The following KNL1 variants were observed in gnomAD, a reference collection of about 807,000 sequenced individuals.
KNL1 encodes outer kinetochore KNL1 complex subunit KNL1.
A neutral mutation model predicts 201.3 loss-of-function variants in KNL1; 66 were observed. The ratio of observed to expected loss-of-function variants is 0.33; its 90% CI spans 0.27 to 0.40. The LOEUF is 0.40. KNL1 is among the 10% of genes least tolerant of loss of function. KNL1 has a pLI of 1.00. For missense variants in KNL1, 2,815 were observed against 2,690.5 expected, an observed-to-expected ratio of 1.05 and a Z score of -1.02; for synonymous variants, 895 against 899.2, an observed-to-expected ratio of 1.00 and a Z score of 0.08.
chr15:40,650,438 G>C, intron 18 of KNL1, 60 bp downstream of exon 18: 3 of 1,565,482 alleles, frequency 1.9e-6, no homozygotes, highest in Non-Finnish European at 2.6e-6. Context: ...TTCTGAGTTT[G>C]TTTATATACT....
At chr15:40,638,037 C>T (rs1320341339) in intron 13 of KNL1, among the ~76,000 whole-genome samples, 3 of 151,806 alleles carry the variant, frequency 2.0e-5, no homozygotes, top group Non-Finnish European at 2.9e-5. Context: ...AAAAATCAGC[C>T]GGGCCTGGCA....
In KNL1 at chr15:40,662,565, A is replaced by AT. The variant is rs1399348670; in HGVS notation, c.*383dup. On this transcript the variant is annotated 3_prime_UTR_variant, in exon 26 of 26. Transcript: ENST00000399668. ...TTTCCCATAACTAGATAGAGCTATGATTTTTTAGGTTGCCTGGCTTCTGCC... is the reference window on the plus strand; with the variant it reads ...TTTCCCATAACTAGATAGAGCTATGATTTTTTTAGGTTGCCTGGCTTCTGCC... 26 of 221,228 alleles carry AT rather than the reference A, an allele frequency of 1.2e-4. No individual in the cohort carries two copies. Among genetic ancestry groups the AT allele is most frequent in the Non-Finnish European group, 2.0e-4 (22 of 111,030 alleles). 13.7% of individuals were successfully genotyped at this position (221,228 alleles called of 1,614,324 possible). A position where few individuals can be genotyped will look rare whatever the true frequency, so the allele number is the denominator to read the frequency against.
chr15:40,605,122 G>C lies in KNL1; in HGVS notation c.48G>C (p.Glu16Asp), dbSNP rs1891931130. The C allele has an allele frequency of 6.7e-7, 1 of 1,483,002 alleles. No individual in the cohort carries two copies. The highest frequency in any genetic ancestry group is 9.4e-7 in the Non-Finnish European group (1 of 1,062,332). The allele number at this position is 1,483,002 out of a possible 1,614,324, so 91.9% of individuals were successfully genotyped here. ...SEANEENDNI[E>D]RPVRRRHSSI... is the part of the protein sequence containing the mutation. Reference sequence around the variant, plus strand: ...TTTCCTTTTTCAGTGACAATATAGAGAGACCTGTTAGAAGACGGCATTCTT... The same window carrying C: ...TTTCCTTTTTCAGTGACAATATAGACAGACCTGTTAGAAGACGGCATTCTT... The change falls in exon 3 of 26, where the codon GAG becomes GAC. Residue 16 changes from glutamate (E) to aspartate (D), a missense_variant. Coordinates refer to ENST00000399668, the MANE Select transcript of KNL1 (RefSeq NM_144508.5).
rs1295733758 is a variant in KNL1, at chr15:40,624,802, C to G, written c.4538C>G (p.Thr1513Arg). 6.2e-7 allele frequency: 1 copy of G among 1,613,456 alleles called. No homozygotes were observed. The highest frequency in any genetic ancestry group is 8.5e-7 in the Non-Finnish European group (1 of 1,179,888). ...AAAGAACTGAAGGAAAATATTCAAA[C>G]AACTAACTATAATACAGCTCTAGAT... ...CKKELKENIQ[T>R]TNYNTALDFH... The change falls in exon 10 of 26, where the codon ACA (threonine) becomes AGA (arginine). Residue 1513 changes from threonine (T) to arginine (R), a missense_variant. Transcript: ENST00000399668.
intron 16 of KNL1, chr15:40,646,612 C>G (rs1893389370): frequency 6.5e-6 from 1 of 153,762 alleles, no homozygotes; most frequent in Non-Finnish European, 1.4e-5. Flanking sequence ...AATCCCAGCA[C>G]TTTGGGAGGC....
chr15:40,625,091 C>T lies in KNL1; in HGVS notation c.4827C>T (p.Asn1609=), dbSNP rs1171476937. Residue 1609 remains asparagine (N), a synonymous_variant, in exon 10 of 26, where the codon AAC becomes AAT. Coordinates refer to ENST00000399668, the MANE Select transcript of KNL1 (RefSeq NM_144508.5). ...IVQATEIHNI[N]IISSNAKDSR... Reference sequence around the variant, plus strand: ...AAGCTACAGAAATACATAATATTAACATAATCTCCAGCAATGCTAAAGATA... The same window carrying T: ...AAGCTACAGAAATACATAATATTAATATAATCTCCAGCAATGCTAAAGATA... 6.2e-7 allele frequency: 1 copy of T among 1,613,744 alleles called. No individual in the cohort carries two copies. The highest frequency in any genetic ancestry group is 8.5e-7 in the Non-Finnish European group (1 of 1,179,856).
At chr15:40,649,452 C>T (rs1893489686) in intron 17 of KNL1, among the ~76,000 whole-genome samples, 1 of 151,856 alleles carries the variant, frequency 6.6e-6, no homozygotes, top group Non-Finnish European at 1.5e-5. Context: ...TGCACCACCA[C>T]CCCCAGCTAA....
chr15:40,616,652 A>G (rs1485220415), intron 8 of KNL1, among the ~76,000 whole-genome samples: 1 of 151,898 alleles, frequency 6.6e-6, no homozygotes, highest in Non-Finnish European at 1.5e-5. Context: ...AGTTGTTATT[A>G]TTTTTTCTTG....
intron 8 of KNL1, among the ~76,000 whole-genome samples, chr15:40,616,372 C>A (rs1269552280): frequency 6.6e-6 from 1 of 151,994 alleles, no homozygotes; most frequent in Admixed American, 6.6e-5. Flanking sequence ...GGTGATCCAC[C>A]CGCCTCGGCC....
At chr15:40,611,108 A>T (rs1892143845) in intron 6 of KNL1, among the ~76,000 whole-genome samples, 1 of 143,180 alleles carries the variant, frequency 7.0e-6, no homozygotes, top group South Asian at 2.2e-4. Context: ...ATTTTATTGT[A>T]TTTTTTTTTT....
At chr15:40,609,861 A>G (rs912754343) in intron 5 of KNL1, among the ~76,000 whole-genome samples, 13 of 152,180 alleles carry the variant, frequency 8.5e-5, no homozygotes, top group Non-Finnish European at 1.5e-4. Context: ...ATAAATAAAT[A>G]AATAAACTAT....
chr15:40,611,531 T>G lies in KNL1; in HGVS notation c.284+20T>G, dbSNP rs558103722. On this transcript the variant is annotated intron_variant, in intron 7 of 25. Coordinates refer to ENST00000399668, the MANE Select transcript of KNL1 (RefSeq NM_144508.5). ...GATACAGTAAGTAATATTCAAATTA[T>G]ATTTAAAAAGTTATAAATTAATATT... 1 of 201,574 alleles carries G rather than the reference T, an allele frequency of 5.0e-6. No individual in the cohort carries two copies. The highest frequency in any genetic ancestry group is 1.1e-5 in the Non-Finnish European group (1 of 94,466). 12.5% of individuals were successfully genotyped at this position (201,574 alleles called of 1,614,324 possible).
chr15:40,652,568 G>A (rs775577336), intron 21 of KNL1, among the ~76,000 whole-genome samples: 2 of 150,600 alleles, frequency 1.3e-5, no homozygotes, highest in South Asian at 2.1e-4. Context: ...TCAGGAGTTC[G>A]AAACCGGCCT....
chr15:40,618,756 A>G (rs576012831), intron 8 of KNL1, among the ~76,000 whole-genome samples: 2 of 152,318 alleles, frequency 1.3e-5, no homozygotes, highest in African/African-American at 2.4e-5. Context: ...ACAAGTATCA[A>G]AATATCACAT....
chr15:40,635,493 T>G (rs1893030680), intron 13 of KNL1, among the ~76,000 whole-genome samples: 2 of 152,152 alleles, frequency 1.3e-5, no homozygotes, highest in Non-Finnish European at 2.9e-5. Flanking sequence ...TAGCTAGGAT[T>G]ACAGGCATAC....
intron 1 of KNL1, among the ~76,000 whole-genome samples, chr15:40,597,570 A>G (rs960316718): frequency 1.3e-5 from 2 of 152,120 alleles, no homozygotes; most frequent in African/African-American, 4.8e-5. Flanking sequence ...CCATCGCACC[A>G]GGCCCCGGGA....
chr15:40,646,255 A>G (rs1440135131), intron 16 of KNL1, among the ~76,000 whole-genome samples: 1 of 152,208 alleles, frequency 6.6e-6, no homozygotes. Flanking sequence ...AAGTCTAAGC[A>G]TAAATGCTGT....
chr15:40,651,297 A>T (rs983732203), intron 19 of KNL1, among the ~76,000 whole-genome samples, 174 bp from the exon 20 acceptor site: 3 of 50,458 alleles, frequency 5.9e-5, no homozygotes, highest in South Asian at 1.4e-3. Flanking sequence ...TGCTTATATA[A>T]AAAAAAAAAA....
chr15:40,637,616 T>C (rs11070286), intron 13 of KNL1, among the ~76,000 whole-genome samples: 58,932 of 151,946 alleles, frequency 0.39, 11,638 homozygotes, highest in Middle Eastern at 0.47. Context: ...GCTGTTAAAA[T>C]GTACTGTGAG....
Sources: gnomAD v4.1 joint callset for allele counts (sites outside exome capture counted in the v4.1 genomes callset) on GRCh38, gnomAD v4.1.1 for gene constraint, MANE v1.5 for transcripts, NCBI Gene and HGNC (gene_info 2026-07-23, HGNC 2026-07-21) for gene names.